Variants in SLC6A9 observed in about 807,000 individuals in gnomAD.
SLC6A9 encodes sodium- and chloride-dependent glycine transporter 1.
SLC6A9 carries 31 observed loss-of-function variants against 70.9 expected under a neutral mutation model. The ratio of observed to expected loss-of-function variants is 0.44; its 90% CI spans 0.33 to 0.59. SLC6A9 has a LOEUF of 0.59. Among genes scored for constraint, SLC6A9 ranks in the 20% least tolerant of loss-of-function variants. SLC6A9 has a pLI of 0.04. For missense variants in SLC6A9, 631 were observed against 845.2 expected (o/e 0.75, Z 3.14); for synonymous variants, 310 against 341.3 (o/e 0.91, Z 1.01).
At chr1:44,010,171 A>C in intron 3 of SLC6A9, 75 bp from the exon 4 acceptor site, 2 of 1,554,120 alleles carry the variant, frequency 1.3e-6, no homozygotes, top group East Asian at 4.5e-5. Flanking sequence ...CTCAGAACTC[A>C]ACAGCAAAAC....
At chr1:44,010,456 C>CGGGGGGGGGGG (rs61601279) in intron 3 of SLC6A9, 24 of 54,796 alleles carry the variant, frequency 4.4e-4, no homozygotes, top group Admixed American at 7.8e-4. Context: ...GCCTTGTGGG[C>CGGGGGGGGGGG]GGGGGGGGGG....
chr1:44,024,187 A>T (rs2086939192), intron 2 of SLC6A9, 61 bp downstream of exon 2: 3 of 1,539,078 alleles, frequency 1.9e-6, no homozygotes, highest in Non-Finnish European at 2.7e-6. Flanking sequence ...AGCTGGCAGG[A>T]GGTCCTGGGG....
At chr1:44,023,388 A>G (rs557359894) in intron 2 of SLC6A9, among the ~76,000 whole-genome samples, 39 of 152,152 alleles carry the variant, frequency 2.6e-4, no homozygotes, top group Non-Finnish European at 5.3e-4. Flanking sequence ...CACACCTGTA[A>G]TCTCAGCACT....
In SLC6A9 at chr1:44,008,640, G is replaced by A; in HGVS notation, c.320-17C>T. 6.2e-7 allele frequency: 1 copy of A among 1,608,896 alleles called. No individual in the cohort carries two copies. The highest frequency in any genetic ancestry group is 8.5e-7 in the Non-Finnish European group (1 of 1,175,890). Reference sequence around the variant, plus strand: ...AGCCCACTCCTGCAGGAGGGGAGGGGTGGGGGGAGGAGCCTCAGCATCCAG... The same window carrying A: ...AGCCCACTCCTGCAGGAGGGGAGGGATGGGGGGAGGAGCCTCAGCATCCAG... On this transcript the variant is annotated splice_polypyrimidine_tract_variant and intron_variant, in intron 4 of 13. Transcript: ENST00000372310.
At position 44,018,247 on chromosome 1, in the gene SLC6A9, C is replaced by T. The variant is rs1557691836; in HGVS notation, c.30+6001G>A. ...TTTCCTGTGAGTTTGGTGAGTGTGGCAACCCCGTAGGGAACATAAGGAGTT... is the reference window on the plus strand; with the variant it reads ...TTTCCTGTGAGTTTGGTGAGTGTGGTAACCCCGTAGGGAACATAAGGAGTT... On this transcript the variant is annotated intron_variant, in intron 2 of 13. Transcript: ENST00000372310. The surrounding 1 kb of genome is among the most constrained non-coding windows in gnomAD (Gnocchi z 4.2). Among the ~76,000 whole-genome samples the T allele has an allele frequency of 6.6e-6, 1 of 152,156 alleles. No homozygotes were observed. Among genetic ancestry groups the T allele is most frequent in the Non-Finnish European group, 1.5e-5 (1 of 68,036 alleles).
At chr1:44,016,872 A>G (rs1380788824) in intron 2 of SLC6A9, among the ~76,000 whole-genome samples, 1 of 148,772 alleles carries the variant, frequency 6.7e-6, no homozygotes, top group African/African-American at 2.5e-5. Flanking sequence ...CTCTTCCTAC[A>G]CTCCTTTGCA....
In SLC6A9 at chr1:44,001,095, C is replaced by T. The variant is rs112772491; in HGVS notation, c.1336-40G>A. 2.7e-5 allele frequency: 44 copies of T among 1,606,394 alleles called. 1 individual carries two copies. The highest frequency in any genetic ancestry group is 2.5e-4 in the African/African-American group (19 of 74,904). The stretch of plus-strand genomic sequence containing the variant: ...GCAGCTGTGGGAGGCGCCTGCAGCC[C>T]GGGCTCCCCAACCCTTCCCTGCACG... On this transcript the variant is annotated intron_variant, in intron 10 of 13. Coordinates refer to ENST00000372310, the MANE Select transcript of SLC6A9 (RefSeq NM_001024845.3).
rs143546820 is a variant in SLC6A9, at chr1:44,018,597, AAATAATAATAAT to A, written c.30+5639_30+5650del. 2.8e-3 allele frequency among the ~76,000 whole-genome samples: 396 copies of A among 142,284 alleles called. No homozygotes were observed. The highest frequency in any genetic ancestry group is 3.6e-3 in the Middle Eastern group (1 of 276). The allele number at this position is 142,284 out of a possible 152,430, so 93.3% of individuals were successfully genotyped here. A position where few individuals can be genotyped will look rare whatever the true frequency, so the allele number is the denominator to read the frequency against. ...CAGCAAGAGCAAAACTCTCTCTCTA[AAATAATAATAAT>A]AATAATAATAATAATAATAATAATA... On this transcript the variant is annotated intron_variant, in intron 2 of 13. Transcript: ENST00000372310. This position sits in a 1 kb window ranked among gnomAD's most constrained non-coding sequence, Gnocchi z 4.2.
intron 5 of SLC6A9, among the ~76,000 whole-genome samples, chr1:44,005,244 G>A (rs901115841): frequency 1.4e-4 from 21 of 152,134 alleles, no homozygotes; most frequent in Admixed American, 1.2e-3. Flanking sequence ...GCCTGGTCAC[G>A]AGTTTAGGAC....
At chr1:44,022,708 TTC>T (rs2086906157) in intron 2 of SLC6A9, among the ~76,000 whole-genome samples, 3 of 87,594 alleles carry the variant, frequency 3.4e-5, no homozygotes, top group African/African-American at 3.3e-4. Flanking sequence ...TTTTCTTTCT[TTC>T]TTTCTTTCTT....
At chr1:44,029,195 A>C (rs1449118967) in intron 1 of SLC6A9, among the ~76,000 whole-genome samples, 1 of 152,206 alleles carries the variant, frequency 6.6e-6, no homozygotes, top group African/African-American at 2.4e-5. Context: ...CAGGTCAATC[A>C]GTTTTAACGG....
At position 44,002,889 on chromosome 1, in the gene SLC6A9, G is replaced by A. The variant is rs895904201; in HGVS notation, c.687C>T (p.Phe229=). The A allele has an allele frequency of 1.9e-6, 3 of 1,614,028 alleles. No homozygotes were observed. Among genetic ancestry groups the A allele is most frequent in the Non-Finnish European group, 2.5e-6 (3 of 1,180,036 alleles). ...ACTTGACCCCTCGGATGAGGCAGAGGAAGACGACCAACCAGGAGACACCGA... is the reference window on the plus strand; with the variant it reads ...ACTTGACCCCTCGGATGAGGCAGAGAAAGACGACCAACCAGGAGACACCGA... ...GCLGVSWLVV[F]LCLIRGVKSS... The change falls in exon 6 of 14, where the codon TTC becomes TTT. Residue 229 remains phenylalanine (F), a synonymous_variant. Transcript: ENST00000372310. The surrounding 1 kb of genome is among the most constrained non-coding windows in gnomAD (Gnocchi z 5.5).
intron 1 of SLC6A9, among the ~76,000 whole-genome samples, chr1:44,026,097 G>A (rs1274151855): frequency 6.6e-6 from 1 of 152,260 alleles, no homozygotes; most frequent in East Asian, 1.9e-4. Context: ...TCTCTTCAGG[G>A]CAGGGTGGGG....
At chr1:44,029,326 G>A (rs1004231081) in intron 1 of SLC6A9, among the ~76,000 whole-genome samples, 2 of 152,208 alleles carry the variant, frequency 1.3e-5, no homozygotes, top group Non-Finnish European at 2.9e-5. Flanking sequence ...CATTCACTGT[G>A]TTGGAGGAAG....
chr1:44,002,452 C>CAG lies in SLC6A9; in HGVS notation c.859-38_859-37dup, dbSNP rs1430626980. On this transcript the variant is annotated intron_variant, in intron 7 of 13. Coordinates refer to ENST00000372310, the MANE Select transcript of SLC6A9 (RefSeq NM_001024845.3). The surrounding 1 kb of genome is among the most constrained non-coding windows in gnomAD (Gnocchi z 5.5). ...GGACCGGTGGGTGAGGAGCTGTGGG[C>CAG]AGAGGCAGGCACCTCCCTGGCCCCT... The CAG allele has an allele frequency of 3.7e-6, 6 of 1,612,584 alleles. No individual in the cohort carries two copies. The highest frequency in any genetic ancestry group is 5.1e-6 in the Non-Finnish European group (6 of 1,178,800).
intron 2 of SLC6A9, chr1:44,014,617 A>G (rs1446982916): frequency 6.6e-6 from 1 of 151,816 alleles, no homozygotes; most frequent in Non-Finnish European, 1.5e-5. Context: ...AAAGTCACTT[A>G]CATAAGTCCT....
intron 2 of SLC6A9, chr1:44,011,846 C>T (rs542553344): frequency 8.0e-6 from 7 of 878,600 alleles, no homozygotes; most frequent in African/African-American, 3.4e-5. Context: ...CTTGTGGAAC[C>T]CCAGGCCCAA....
At chr1:44,017,021 G>A (rs2086768926) in intron 2 of SLC6A9, 2 of 1,563,740 alleles carry the variant, frequency 1.3e-6, no homozygotes, top group Non-Finnish European at 1.7e-6. Flanking sequence ...CAAGGAGGGG[G>A]CTCAACTTCC....
rs2086636703 is a variant in SLC6A9 at position 44,013,348 on chromosome 1, G to C, written c.31-2466C>G. ...CCCTGGCAGGGGGAGGTACGGGGAA[G>C]GTGGTGATGCTTCCAGCCACGTGCC... is the stretch of plus-strand genomic sequence containing the variant. On this transcript the variant is annotated intron_variant, in intron 2 of 13. Coordinates refer to ENST00000372310, the MANE Select transcript of SLC6A9 (RefSeq NM_001024845.3). The surrounding 1 kb of genome is among the most constrained non-coding windows in gnomAD (Gnocchi z 5.3). Among the ~76,000 whole-genome samples, 1 of 152,240 alleles carries C rather than the reference G, an allele frequency of 6.6e-6. No homozygotes were observed. The highest frequency in any genetic ancestry group is 2.4e-5 in the African/African-American group (1 of 41,460).
Sources: allele counts gnomAD v4.1 joint callset (sites outside exome capture counted in the v4.1 genomes callset), GRCh38; gene constraint gnomAD v4.1.1; non-coding constraint Gnocchi (gnomAD v3.1); transcripts MANE v1.5; gene names NCBI Gene and HGNC (gene_info 2026-07-23, HGNC 2026-07-21).